Variants in SPOCK3 observed in about 807,000 individuals in gnomAD.
SPOCK3 encodes testican-3.
Under a neutral mutation model 56.6 loss-of-function variants are expected in SPOCK3, and 30 were observed. The observed-to-expected ratio is 0.53, with a 90% CI of 0.40 to 0.72. SPOCK3 has a LOEUF of 0.72. Among genes scored for constraint, SPOCK3 ranks in the 30% least tolerant of loss-of-function variants. SPOCK3 has a pLI of 0.00. For missense variants in SPOCK3, 527 were observed against 530.0 expected (o/e 0.99, Z 0.06); for synonymous variants, 196 against 183.3 (o/e 1.07, Z -0.56).
chr4:166,885,201 C>T (rs1345896445), intron 6 of SPOCK3, among the ~76,000 whole-genome samples: 1 of 150,400 alleles, frequency 6.6e-6, no homozygotes, highest in African/African-American at 2.5e-5. Context: ...AGCAATATTA[C>T]CCCAATTCAA....
chr4:166,974,702 C>T (rs911075509), intron 4 of SPOCK3, among the ~76,000 whole-genome samples: 2 of 152,128 alleles, frequency 1.3e-5, no homozygotes, highest in Non-Finnish European at 2.9e-5. Context: ...TTACTAAAAG[C>T]CAAATGGTAA....
chr4:166,795,284 C>T (rs939132469), intron 6 of SPOCK3, among the ~76,000 whole-genome samples: 15 of 151,856 alleles, frequency 9.9e-5, no homozygotes, highest in South Asian at 4.2e-4. Context: ...ACCAAAAAAC[C>T]GTATATCAGT....
chr4:167,142,428 A>T (rs1283209931), intron 2 of SPOCK3, among the ~76,000 whole-genome samples: 1 of 152,066 alleles, frequency 6.6e-6, no homozygotes, highest in East Asian at 1.9e-4. Context: ...TAGTAAATCA[A>T]AAAAGAGGCA....
chr4:166,862,269 T>C (rs1731313029), intron 6 of SPOCK3, among the ~76,000 whole-genome samples: 1 of 151,910 alleles, frequency 6.6e-6, no homozygotes, highest in Non-Finnish European at 1.5e-5. Flanking sequence ...ATGGCTTTTG[T>C]GCCTTGGGAT....
At chr4:166,751,819 T>C (rs1736406959) in intron 8 of SPOCK3, among the ~76,000 whole-genome samples, 1 of 152,118 alleles carries the variant, frequency 6.6e-6, no homozygotes, top group Non-Finnish European at 1.5e-5. Flanking sequence ...GTAGCTAAAA[T>C]CCCAAATTGA....
intron 7 of SPOCK3, among the ~76,000 whole-genome samples, chr4:166,774,352 C>T (rs1458778899): frequency 6.6e-6 from 1 of 152,168 alleles, no homozygotes; most frequent in Non-Finnish European, 1.5e-5. Flanking sequence ...AAGGCTTCAT[C>T]TATTTTCATA....
intron 4 of SPOCK3, among the ~76,000 whole-genome samples, chr4:166,963,229 A>C (rs1043497061): frequency 5.9e-5 from 9 of 152,062 alleles, no homozygotes; most frequent in African/African-American, 2.2e-4. Context: ...TACTAAAATT[A>C]GTTAAGTAAG....
chr4:167,030,937 C>T (rs184108179), intron 3 of SPOCK3, among the ~76,000 whole-genome samples: 152 of 152,172 alleles, frequency 1.0e-3, no homozygotes, highest in Middle Eastern at 3.4e-3. Context: ...AGGCACATTG[C>T]TCCATTTCCC....
intron 6 of SPOCK3, among the ~76,000 whole-genome samples, chr4:166,803,043 A>T (rs1364739650): frequency 6.6e-6 from 1 of 151,956 alleles, no homozygotes; most frequent in African/African-American, 2.4e-5. Flanking sequence ...GCTCTCTGAC[A>T]AATAAAGCAC....
intron 3 of SPOCK3, among the ~76,000 whole-genome samples, chr4:167,023,140 T>G (rs72973565): frequency 6.6e-6 from 1 of 151,944 alleles, no homozygotes; most frequent in Non-Finnish European, 1.5e-5. Context: ...ACAAGGCTTA[T>G]CTGGATACAG....
At chr4:167,234,421 G>T (rs892606047) in intron 1 of SPOCK3, 29 bp downstream of exon 1, 3 of 575,080 alleles carry the variant, frequency 5.2e-6, no homozygotes, top group African/African-American at 1.9e-5. Context: ...CAGCCCGAGC[G>T]GGCACAAAAC....
Position 167,150,101 on chromosome 4 carries a change from C to T in SPOCK3, c.189+83884G>A, listed in dbSNP as rs991265689. Among the ~76,000 whole-genome samples, 25 of 152,194 alleles carry T rather than the reference C, an allele frequency of 1.6e-4. No homozygotes were observed. The East Asian group carries it at 2.1e-3, about 13-fold the overall frequency. ...ATTTTATTTTTCAAAGAGACACCTACGCAGTAGATATTCCATAACTGTTCA... is the reference window on the plus strand; with the variant it reads ...ATTTTATTTTTCAAAGAGACACCTATGCAGTAGATATTCCATAACTGTTCA... On this transcript the variant is annotated intron_variant, in intron 2 of 10. Transcript: ENST00000357545.
intron 4 of SPOCK3, among the ~76,000 whole-genome samples, chr4:166,924,102 T>C (rs535009812): frequency 2.1e-4 from 32 of 152,318 alleles, no homozygotes; most frequent in African/African-American, 7.5e-4. Context: ...AGCTTGCCCG[T>C]TAAAAGCCAG....
At chr4:167,126,791 A>AATTTT (rs1401786770) in intron 2 of SPOCK3, among the ~76,000 whole-genome samples, 1 of 152,140 alleles carries the variant, frequency 6.6e-6, no homozygotes, top group Non-Finnish European at 1.5e-5. Flanking sequence ...AAATCTGTTT[A>AATTTT]ATTTTATTTT....
At chr4:166,752,242 C>T (rs1433325708) in intron 8 of SPOCK3, among the ~76,000 whole-genome samples, 5 of 151,998 alleles carry the variant, frequency 3.3e-5, no homozygotes, top group African/African-American at 7.3e-5. Context: ...CCACACTGCT[C>T]GGACTCCTGA....
At chr4:166,946,664 T>A (rs1316837020) in intron 4 of SPOCK3, among the ~76,000 whole-genome samples, 2 of 152,146 alleles carry the variant, frequency 1.3e-5, no homozygotes, top group African/African-American at 2.4e-5. Context: ...GCATGTCGGA[T>A]CCCTCTTCCC....
intron 3 of SPOCK3, among the ~76,000 whole-genome samples, chr4:167,018,264 T>C (rs185996851): frequency 6.6e-6 from 1 of 152,262 alleles, no homozygotes; most frequent in East Asian, 1.9e-4. Context: ...TAATATTTCC[T>C]TTTCTCACAT....
At position 167,105,798 on chromosome 4, in the gene SPOCK3, A is replaced by G. The variant is rs529792559; in HGVS notation, c.190-43261T>C. Among the ~76,000 whole-genome samples the G allele has an allele frequency of 4.2e-4, 64 of 152,098 alleles. 1 individual carries two copies. Among genetic ancestry groups the G allele is most frequent in the Non-Finnish European group, 7.1e-4 (48 of 67,898 alleles). On this transcript the variant is annotated intron_variant, in intron 2 of 10. Coordinates refer to ENST00000357545, the MANE Select transcript of SPOCK3 (RefSeq NM_001040159.2). ...AGATTGAAGATAAAGGGGTGAAAAA[A>G]GATATTTCATGCCAATGGAAACCAA...
chr4:166,850,978 G>GGCCT (rs1269000991), intron 6 of SPOCK3, among the ~76,000 whole-genome samples: 5 of 152,232 alleles, frequency 3.3e-5, no homozygotes, highest in Admixed American at 6.5e-5. Flanking sequence ...AGCTTAAGGA[G>GGCCT]GCCTGCCTGC....
Sources: gnomAD v4.1 joint callset for allele counts (sites outside exome capture counted in the v4.1 genomes callset) on GRCh38, gnomAD v4.1.1 for gene constraint, MANE v1.5 for transcripts, NCBI Gene and HGNC (gene_info 2026-07-23, HGNC 2026-07-21) for gene names.